Variants in SUFU observed in about 807,000 individuals in gnomAD.
SUFU encodes the protein suppressor of fused homolog.
SUFU carries 7 observed loss-of-function variants against 58.9 expected under a neutral mutation model. That is an observed-to-expected ratio of 0.12 (90% CI 0.07 to 0.22). The LOEUF (loss-of-function observed/expected upper bound fraction) is 0.22, where lower values mean the gene tolerates loss of function less well. Among genes scored for constraint, SUFU ranks in the 10% least tolerant of loss-of-function variants. The pLI, the probability that SUFU is intolerant of heterozygous loss-of-function variation, is 1.00. For synonymous variants in SUFU, 232 were observed against 254.8 expected, an observed-to-expected ratio of 0.91 and a Z score of 0.85; for missense variants, 451 against 641.3, an observed-to-expected ratio of 0.70 and a Z score of 3.20.
At chr10:102,574,985 G>T (rs2063199003) in intron 3 of SUFU, among the ~76,000 whole-genome samples, 1 of 152,124 alleles carries the variant, frequency 6.6e-6, no homozygotes, top group Non-Finnish European at 1.5e-5. Context: ...GAACCCGGGA[G>T]GCGGAGGTTG....
intron 2 of SUFU, among the ~76,000 whole-genome samples, chr10:102,548,073 C>T (rs1003371643): frequency 3.3e-5 from 5 of 152,116 alleles, no homozygotes; most frequent in Admixed American, 6.6e-5. Flanking sequence ...ATCGCTTGAG[C>T]CCCCAGGAGT....
At chr10:102,615,732 C>T (rs550125036) in intron 9 of SUFU, among the ~76,000 whole-genome samples, 2 of 152,278 alleles carry the variant, frequency 1.3e-5, no homozygotes, top group East Asian at 3.9e-4. Context: ...CTCTGGCTGG[C>T]CTAGGTGGTG....
At position 102,632,750 on chromosome 10, in the gene SUFU, C is replaced by T. The variant is rs2063848190; in HGVS notation, c.*2595C>T. 4.3e-6 allele frequency: 1 copy of T among 233,416 alleles called. No individual in the cohort carries two copies. The highest frequency in any genetic ancestry group is 6.0e-5 in the East Asian group (1 of 16,590). The allele number at this position is 233,416 out of a possible 1,614,324, so 14.5% of individuals were successfully genotyped here. A position where few individuals can be genotyped will look rare whatever the true frequency, so the allele number is the denominator to read the frequency against. ...GGAGACTTGCCTAGTTGTACCCACC[C>T]CTCCAGGTCCCTGGTGCTAGAGCTT... On this transcript the variant is annotated 3_prime_UTR_variant, in exon 12 of 12. Coordinates refer to ENST00000369902, the MANE Select transcript of SUFU (RefSeq NM_016169.4).
chr10:102,570,484 G>T (rs765327005), intron 3 of SUFU, among the ~76,000 whole-genome samples: 2 of 152,070 alleles, frequency 1.3e-5, no homozygotes. Context: ...TTTGTGATCC[G>T]CCTGCCTCGG....
intron 3 of SUFU, among the ~76,000 whole-genome samples, chr10:102,587,991 T>C (rs1243223537): frequency 2.0e-5 from 3 of 152,224 alleles, no homozygotes; most frequent in Non-Finnish European, 2.9e-5. Flanking sequence ...GTTTGTGATA[T>C]AAGAAAGAGC....
chr10:102,569,416 T>C (rs1030031558), intron 3 of SUFU, among the ~76,000 whole-genome samples: 5 of 152,070 alleles, frequency 3.3e-5, no homozygotes, highest in Admixed American at 6.6e-5. Flanking sequence ...ATTAAGGAAG[T>C]TCTTTGAGGC....
In SUFU at chr10:102,632,358, T is replaced by C; in HGVS notation, c.*2203T>C. ...CGAGATGATGAGCACATGAAGCCTG[T>C]GGCCCCTTCGTACCTGCAATATGTC... is the stretch of plus-strand genomic sequence containing the variant. On this transcript the variant is annotated 3_prime_UTR_variant, in exon 12 of 12. Transcript: ENST00000369902. 1 of 233,258 alleles carries C rather than the reference T, an allele frequency of 4.3e-6. No individual in the cohort carries two copies. The highest frequency in any genetic ancestry group is 8.5e-6 in the Non-Finnish European group (1 of 118,064). 14.4% of individuals were successfully genotyped at this position (233,258 alleles called of 1,614,324 possible).
In SUFU at chr10:102,607,921, A is replaced by G. The variant is rs138052031; in HGVS notation, c.1023-7347A>G. On this transcript the variant is annotated intron_variant, in intron 8 of 11. Transcript: ENST00000369902. ...GCAAGATTCCATCTCAAACAAAAAAAAAAAGAAAAGAAAGAAAAGAAAAGG... is the reference window on the plus strand; with the variant it reads ...GCAAGATTCCATCTCAAACAAAAAAGAAAAGAAAAGAAAGAAAAGAAAAGG... 3.0e-3 allele frequency among the ~76,000 whole-genome samples: 451 copies of G among 151,646 alleles called. 4 individuals carry two copies. The highest frequency in any genetic ancestry group is 0.011 in the African/African-American group (434 of 41,282).
Position 102,547,496 on chromosome 10 carries a change from C to T in SUFU, c.318-2474C>T, listed in dbSNP as rs188148208. 2.1e-4 allele frequency among the ~76,000 whole-genome samples: 32 copies of T among 152,294 alleles called. No homozygotes were observed. In the East Asian group the frequency reaches 6.0e-3, roughly 28 times the overall value. ...TCTGTTTCCCACATTGCTATAGATA[C>T]CTGGGGAAAATGAAACCGTGGATAC... On this transcript the variant is annotated intron_variant, in intron 2 of 11. Transcript: ENST00000369902.
chr10:102,620,739 G>C (rs2063733099), intron 10 of SUFU, among the ~76,000 whole-genome samples: 1 of 152,128 alleles, frequency 6.6e-6, no homozygotes, highest in Non-Finnish European at 1.5e-5. Context: ...CCTCATCCTG[G>C]TGGCTTTAAC....
Position 102,599,538 on chromosome 10 carries a change from G to C in SUFU, c.1016G>C (p.Arg339Pro), listed in dbSNP as rs369910221. ...CGGCAGAATGGCCTCGCCCACGACC[G>C]GGCCCCGTAAGTTCCCCAGTGTCCC... ...PQRQNGLAHD[R>P]APSRKDSLES... is the part of the protein sequence containing the mutation. The change falls in exon 8 of 12, where the codon CGG becomes CCG. Residue 339 changes from arginine (R) to proline (P), a missense_variant. Arg to Pro is a moderately radical substitution (Grantham distance 103). Coordinates refer to ENST00000369902, the MANE Select transcript of SUFU (RefSeq NM_016169.4). The C allele has an allele frequency of 6.2e-7, 1 of 1,613,976 alleles. No individual in the cohort carries two copies. The highest frequency in any genetic ancestry group is 8.5e-7 in the Non-Finnish European group (1 of 1,179,908).
intron 8 of SUFU, among the ~76,000 whole-genome samples, chr10:102,607,003 A>G (rs947786945): frequency 4.6e-5 from 7 of 152,184 alleles, no homozygotes; most frequent in East Asian, 3.9e-4. Flanking sequence ...AAATTGATAA[A>G]TACCTGATGT....
intron 3 of SUFU, among the ~76,000 whole-genome samples, chr10:102,587,632 C>T (rs2063347884): frequency 1.3e-5 from 2 of 152,084 alleles, no homozygotes; most frequent in Non-Finnish European, 2.9e-5. Context: ...GCTGGGATTA[C>T]AGGTGCCCAC....
At chr10:102,587,399 A>T (rs998584294) in intron 3 of SUFU, among the ~76,000 whole-genome samples, 6 of 152,152 alleles carry the variant, frequency 3.9e-5, no homozygotes, top group Admixed American at 6.6e-5. Flanking sequence ...TTTTTTTATT[A>T]ATAGTCACCC....
intron 8 of SUFU, among the ~76,000 whole-genome samples, chr10:102,603,795 T>C (rs1347568313): frequency 6.6e-6 from 1 of 152,166 alleles, no homozygotes; most frequent in Non-Finnish European, 1.5e-5. Context: ...TGGCCTTTGA[T>C]TGGGGTGACT....
At chr10:102,527,982 T>A (rs1189722081) in intron 2 of SUFU, among the ~76,000 whole-genome samples, 1 of 152,172 alleles carries the variant, frequency 6.6e-6, no homozygotes, top group African/African-American at 2.4e-5. Context: ...TAGCCTGTCT[T>A]TTTTTATTTT....
rs1281260352 is a variant in SUFU at position 102,629,326 on chromosome 10, A to C, written c.1366-740A>C. On this transcript the variant is annotated intron_variant, in intron 11 of 11. Coordinates refer to ENST00000369902, the MANE Select transcript of SUFU (RefSeq NM_016169.4). The surrounding 1 kb of genome is among the most constrained non-coding windows in gnomAD (Gnocchi z 4.7). ...TCCCCTACCAGAAACTCCCAGGTGA[A>C]TGGGAGAAACAGAACTGTAGGCAAA... Among the ~76,000 whole-genome samples, 1 of 152,184 alleles carries C rather than the reference A, an allele frequency of 6.6e-6. No individual in the cohort carries two copies. The highest frequency in any genetic ancestry group is 1.9e-4 in the East Asian group (1 of 5,202).
At position 102,622,116 on chromosome 10, in the gene SUFU, C is replaced by G. The variant is rs951862957; in HGVS notation, c.1296+4688C>G. 3.9e-5 allele frequency among the ~76,000 whole-genome samples: 6 copies of G among 152,326 alleles called. No individual in the cohort carries two copies. In the South Asian group the frequency reaches 1.2e-3, roughly 32 times the overall value. ...CTGCTGGCCTAGATTCCAAGCCCCC[C>G]TCCCTGGCCAAAGGTGGGAACTGGG... On this transcript the variant is annotated intron_variant, in intron 10 of 11. Transcript: ENST00000369902.
chr10:102,526,320 C>CG (rs540158887), intron 2 of SUFU, among the ~76,000 whole-genome samples: 50 of 151,652 alleles, frequency 3.3e-4, no homozygotes, highest in East Asian at 9.7e-4. Context: ...TGGGAGGCCA[C>CG]GGGGGGGTGG....
Sources: allele counts gnomAD v4.1 joint callset (sites outside exome capture counted in the v4.1 genomes callset), GRCh38; gene constraint gnomAD v4.1.1; non-coding constraint Gnocchi (gnomAD v3.1); transcripts MANE v1.5; gene names NCBI Gene and HGNC (gene_info 2026-07-23, HGNC 2026-07-21).